Variants in NOL4 observed in about 807,000 individuals in gnomAD.
The protein encoded by NOL4 is nucleolar protein 4.
NOL4 carries 17 observed loss-of-function variants against 75.9 expected under a neutral mutation model. The ratio of observed to expected loss-of-function variants is 0.22; its 90% CI spans 0.15 to 0.34. The LOEUF (loss-of-function observed/expected upper bound fraction) is 0.34, where lower values mean the gene tolerates loss of function less well. Ranked by LOEUF, NOL4 falls within the 10% of genes least tolerant of loss-of-function variation. The pLI is 1.00. For synonymous variants in NOL4, 292 were observed against 289.9 expected, an observed-to-expected ratio of 1.01 and a Z score of -0.07; for missense variants, 614 against 793.5, an observed-to-expected ratio of 0.77 and a Z score of 2.72.
chr18:34,127,055 T>C (rs2145883247), intron 2 of NOL4, among the ~76,000 whole-genome samples: 1 of 152,036 alleles, frequency 6.6e-6, no homozygotes, highest in African/African-American at 2.4e-5. Flanking sequence ...ATGATTGCCT[T>C]TACATATTCC....
chr18:34,128,852 T>C (rs2080502498), intron 2 of NOL4: 1 of 980,082 alleles, frequency 1.0e-6, no homozygotes, highest in African/African-American at 1.8e-5. Flanking sequence ...TAGGTACCTG[T>C]ATTTGAAACT....
chr18:34,131,741 G>A (rs1439766433), intron 1 of NOL4, among the ~76,000 whole-genome samples: 2 of 151,986 alleles, frequency 1.3e-5, no homozygotes, highest in Non-Finnish European at 2.9e-5. Flanking sequence ...AGTGATGTGG[G>A]GATCACAGCC....
At chr18:34,095,251 A>G (rs183670126) in intron 4 of NOL4, among the ~76,000 whole-genome samples, 2,804 of 144,490 alleles carry the variant, frequency 0.019, 38 homozygotes, top group Non-Finnish European at 0.027. Context: ...TCTAATGTGT[A>G]TGTGTGTGTG....
At chr18:33,877,947 G>A (rs2064029546) in intron 10 of NOL4, among the ~76,000 whole-genome samples, 1 of 151,964 alleles carries the variant, frequency 6.6e-6, no homozygotes, top group Non-Finnish European at 1.5e-5. Flanking sequence ...TTAAAAAAGG[G>A]TGTTCAATGA....
chr18:34,152,053 T>G (rs1470732027), intron 1 of NOL4, among the ~76,000 whole-genome samples: 1 of 151,886 alleles, frequency 6.6e-6, no homozygotes, highest in Non-Finnish European at 1.5e-5. Context: ...TTTGTATCCC[T>G]TTTTAGTGCA....
At chr18:34,152,704 C>T (rs984022937) in intron 1 of NOL4, among the ~76,000 whole-genome samples, 1 of 151,850 alleles carries the variant, frequency 6.6e-6, no homozygotes, top group African/African-American at 2.4e-5. Context: ...CTTCACGACT[C>T]TGAGGGCAAA....
At chr18:33,886,370 A>C (rs2064653128) in intron 9 of NOL4, among the ~76,000 whole-genome samples, 1 of 151,870 alleles carries the variant, frequency 6.6e-6, no homozygotes, top group Non-Finnish European at 1.5e-5. Flanking sequence ...TCTACTAAAA[A>C]TACAAAAATT....
chr18:34,060,709 A>G (rs567848066), intron 5 of NOL4, among the ~76,000 whole-genome samples: 1 of 152,284 alleles, frequency 6.6e-6, no homozygotes, highest in Non-Finnish European at 1.5e-5. Context: ...TAATTCATTC[A>G]TTTTAGGAGG....
At chr18:33,862,912 C>T (rs1327239189) in intron 10 of NOL4, among the ~76,000 whole-genome samples, 2 of 152,174 alleles carry the variant, frequency 1.3e-5, no homozygotes, top group Non-Finnish European at 2.9e-5. Flanking sequence ...CCAGCCATCC[C>T]ATTACTGGGA....
chr18:34,127,615 G>A (rs531026286), intron 2 of NOL4, among the ~76,000 whole-genome samples: 32 of 151,936 alleles, frequency 2.1e-4, no homozygotes, highest in African/African-American at 5.5e-4. Context: ...GCACTAAACC[G>A]TTCTATTTCA....
chr18:33,858,404 C>T (rs1480815528), intron 10 of NOL4, among the ~76,000 whole-genome samples: 1 of 151,662 alleles, frequency 6.6e-6, no homozygotes, highest in African/African-American at 2.4e-5. Context: ...AAAAAATCAA[C>T]TATAAAACCT....
At chr18:34,121,979 T>C (rs1367447291) in intron 2 of NOL4, among the ~76,000 whole-genome samples, 3 of 152,190 alleles carry the variant, frequency 2.0e-5, no homozygotes, top group Non-Finnish European at 2.9e-5. Flanking sequence ...TTAGACTATG[T>C]AAATAATTAG....
At chr18:33,862,339 C>A (rs1042709254) in intron 10 of NOL4, among the ~76,000 whole-genome samples, 3 of 152,150 alleles carry the variant, frequency 2.0e-5, no homozygotes, top group Admixed American at 1.3e-4. Context: ...ACAGGCATTA[C>A]CATTCAGGAC....
chr18:33,967,555 A>G lies in NOL4; in HGVS notation c.1057-9137T>C, dbSNP rs183403008. Among the ~76,000 whole-genome samples, 595 of 152,286 alleles carry G rather than the reference A, an allele frequency of 3.9e-3. 2 individuals are homozygous for G. Among genetic ancestry groups the G allele is most frequent in the African/African-American group, 0.013 (558 of 41,560 alleles). ...GCCTACAGAATAGGAGAAAATGTTCATAAACTATTCATCCAACAAAGTTCT... is the reference window on the plus strand; with the variant it reads ...GCCTACAGAATAGGAGAAAATGTTCGTAAACTATTCATCCAACAAAGTTCT... On this transcript the variant is annotated intron_variant, in intron 6 of 10. Coordinates refer to ENST00000261592, the MANE Select transcript of NOL4 (RefSeq NM_003787.5).
intron 9 of NOL4, among the ~76,000 whole-genome samples, chr18:33,890,790 C>T (rs146607804): frequency 8.3e-4 from 126 of 151,914 alleles, no homozygotes; most frequent in African/African-American, 2.9e-3. Flanking sequence ...TGTGCTAATA[C>T]GCAGGTCAGA....
chr18:34,083,484 T>C (rs1346642779), intron 5 of NOL4, among the ~76,000 whole-genome samples: 1 of 152,130 alleles, frequency 6.6e-6, no homozygotes, highest in African/African-American at 2.4e-5. Context: ...AGTTTAGAGA[T>C]GTACAGAAAA....
At chr18:33,918,201 A>G (rs1209777518) in intron 9 of NOL4, among the ~76,000 whole-genome samples, 1 of 152,220 alleles carries the variant, frequency 6.6e-6, no homozygotes, top group East Asian at 1.9e-4. Context: ...AAGAGGGGGA[A>G]AAATCTGCTC....
At chr18:33,920,166 AGAGAGAGGGAAG>A (rs1568063485) in intron 9 of NOL4, among the ~76,000 whole-genome samples, 2 of 152,204 alleles carry the variant, frequency 1.3e-5, no homozygotes, top group South Asian at 4.2e-4. Context: ...TGAGGGACAT[AGAGAGAGGGAAG>A]GAGAGAGGGA....
intron 1 of NOL4, among the ~76,000 whole-genome samples, chr18:34,217,434 A>G (rs920267570): frequency 4.0e-5 from 6 of 151,872 alleles, no homozygotes; most frequent in Non-Finnish European, 7.4e-5. Context: ...ACAAGGGCAC[A>G]TGGCCACACC....
Sources: gnomAD v4.1 joint callset for allele counts (sites outside exome capture counted in the v4.1 genomes callset) on GRCh38, gnomAD v4.1.1 for gene constraint, MANE v1.5 for transcripts, NCBI Gene and HGNC (gene_info 2026-07-23, HGNC 2026-07-21) for gene names.